The following CCDC91 variants were observed in gnomAD, a reference collection of about 807,000 sequenced individuals.
The protein encoded by CCDC91 is coiled-coil domain containing 91.
CCDC91 carries 48 observed loss-of-function variants against 63.2 expected under a neutral mutation model. The observed-to-expected ratio is 0.76, with a 90% CI of 0.60 to 0.97. The LOEUF (loss-of-function observed/expected upper bound fraction) is 0.97. Ranked by LOEUF, CCDC91 falls within the 50% of genes least tolerant of loss-of-function variation. The pLI is 0.00. For missense variants in CCDC91, 500 were observed against 494.6 expected (o/e 1.01, Z -0.10); for synonymous variants, 167 against 165.8 (o/e 1.01, Z -0.06).
chr12:28,283,753 A>G lies in CCDC91; in HGVS notation c.110-21896A>G, dbSNP rs530592261. ...TATAGCCTGAATGTAATTTTATACA[A>G]TATTTTAAAGATTTTTTAAATATGA... On this transcript the variant is annotated intron_variant, in intron 3 of 12. Coordinates refer to ENST00000536442, the MANE Select transcript of CCDC91 (RefSeq NM_018318.5). Among the ~76,000 whole-genome samples the G allele has an allele frequency of 1.0e-3, 155 of 152,316 alleles. 1 individual carries two copies. Among genetic ancestry groups the G allele is most frequent in the African/African-American group, 3.4e-3 (140 of 41,574 alleles).
At position 28,267,906 on chromosome 12, in the gene CCDC91, ATTATATATAATTAT is replaced by A. The variant is rs1565701156; in HGVS notation, c.109+8466_109+8479del. ...AATTATTATAATTATATATAATTAT[ATTATATATAATTAT>A]TATAATTATATATAATTATATATAA... On this transcript the variant is annotated intron_variant, in intron 3 of 12. Transcript: ENST00000536442. Among the ~76,000 whole-genome samples, 5 of 51,808 alleles carry A rather than the reference ATTATATATAATTAT, an allele frequency of 9.7e-5. No individual in the cohort carries two copies. In the South Asian group the frequency reaches 1.8e-3, roughly 19 times the overall value. The allele number at this position is 51,808 out of a possible 152,430, so 34.0% of individuals were successfully genotyped here.
intron 12 of CCDC91, among the ~76,000 whole-genome samples, chr12:28,521,341 A>T (rs1280882431): frequency 6.6e-6 from 1 of 152,038 alleles, no homozygotes; most frequent in Non-Finnish European, 1.5e-5. Flanking sequence ...GCAATTGTGA[A>T]TGGGAGTTCA....
intron 12 of CCDC91, among the ~76,000 whole-genome samples, chr12:28,523,936 A>G (rs1021620016): frequency 1.3e-5 from 2 of 152,134 alleles, no homozygotes; most frequent in African/African-American, 4.8e-5. Context: ...GTTTTTGCCA[A>G]GGCATCCACT....
At chr12:28,456,995 C>G (rs1950086490) in intron 11 of CCDC91, among the ~76,000 whole-genome samples, 1 of 152,092 alleles carries the variant, frequency 6.6e-6, no homozygotes, top group African/African-American at 2.4e-5. Flanking sequence ...AATATGGCCA[C>G]TTTAGATTAA....
chr12:28,549,047 T>TA lies in CCDC91; in HGVS notation c.1216-9dup. 1.3e-6 allele frequency: 2 copies of TA among 1,547,360 alleles called. No homozygotes were observed. Among genetic ancestry groups the TA allele is most frequent in the Non-Finnish European group, 1.8e-6 (2 of 1,122,476 alleles). ...TTTTTTTTCTCTTTCTCTCTCTCTT[T>TA]AAAAAAATTAAACAGCTCGATCAAG... On this transcript the variant is annotated splice_polypyrimidine_tract_variant and intron_variant, in intron 12 of 12. Transcript: ENST00000536442.
At chr12:28,204,018 C>G (rs1488957833) in intron 1 of CCDC91, among the ~76,000 whole-genome samples, 1 of 152,064 alleles carries the variant, frequency 6.6e-6, no homozygotes, top group Non-Finnish European at 1.5e-5. Flanking sequence ...GTGAAAATGT[C>G]TAGACATGTA....
intron 1 of CCDC91, chr12:28,236,483 A>G (rs564526638): frequency 1.3e-5 from 2 of 151,958 alleles, no homozygotes; most frequent in African/African-American, 4.8e-5. Flanking sequence ...TGTTATTTTT[A>G]TGGTAATATA....
chr12:28,204,757 A>T, intron 1 of CCDC91, among the ~76,000 whole-genome samples: 1 of 152,210 alleles, frequency 6.6e-6, no homozygotes, highest in East Asian at 1.9e-4. Flanking sequence ...GGCTCACCAC[A>T]GAGTTGCTCA....
At chr12:28,496,943 C>CATATATATATAT (rs140551640) in intron 12 of CCDC91, among the ~76,000 whole-genome samples, 1 of 138,104 alleles carries the variant, frequency 7.2e-6, no homozygotes, top group African/African-American at 2.6e-5. Flanking sequence ...TATATATATA[C>CATATATATATAT]ATATATATAT....
At chr12:28,298,268 A>G (rs1215202011) in intron 3 of CCDC91, among the ~76,000 whole-genome samples, 1 of 151,650 alleles carries the variant, frequency 6.6e-6, no homozygotes, top group Non-Finnish European at 1.5e-5. Context: ...TTTACATTCA[A>G]CTTTTCATAT....
At chr12:28,244,184 A>G (rs866190079) in intron 1 of CCDC91, among the ~76,000 whole-genome samples, 2 of 152,226 alleles carry the variant, frequency 1.3e-5, no homozygotes, top group Non-Finnish European at 2.9e-5. Context: ...ATTAAAATAG[A>G]TACAGAAAAT....
chr12:28,528,619 G>A (rs181920915), intron 12 of CCDC91, among the ~76,000 whole-genome samples: 465 of 152,262 alleles, frequency 3.1e-3, no homozygotes, highest in African/African-American at 0.011. Flanking sequence ...GTACGTCCAA[G>A]TGGGGGCTGC....
intron 7 of CCDC91, among the ~76,000 whole-genome samples, chr12:28,385,295 C>T (rs1213536032): frequency 1.3e-5 from 2 of 152,080 alleles, no homozygotes; most frequent in Non-Finnish European, 2.9e-5. Context: ...GTATAATCAA[C>T]ATAAAAGTTT....
At chr12:28,334,705 C>G (rs1427066967) in intron 6 of CCDC91, among the ~76,000 whole-genome samples, 5 of 151,932 alleles carry the variant, frequency 3.3e-5, no homozygotes, top group Admixed American at 6.6e-5. Context: ...TCTGGGTTGC[C>G]TAATAAAGTA....
At position 28,276,819 on chromosome 12, in the gene CCDC91, A is replaced by G. The variant is rs139689334; in HGVS notation, c.109+17377A>G. ...TAAGCTAACAAAAAAATCGAATGTT[A>G]CAGAATCTGTGCTATAATCCCTGTG... On this transcript the variant is annotated intron_variant, in intron 3 of 12. Coordinates refer to ENST00000536442, the MANE Select transcript of CCDC91 (RefSeq NM_018318.5). Among the ~76,000 whole-genome samples the G allele has an allele frequency of 1.6e-4, 24 of 152,148 alleles. 1 individual carries two copies. Among genetic ancestry groups the G allele is most frequent in the African/African-American group, 5.5e-4 (23 of 41,562 alleles).
chr12:28,190,755 C>T (rs1256930333), intron 1 of CCDC91, 114 bp downstream of exon 1: 1 of 152,244 alleles, frequency 6.6e-6, no homozygotes, highest in South Asian at 2.1e-4. Context: ...GCCTGCAGCC[C>T]GCCTGCTGCG....
At chr12:28,334,966 ACT>A (rs1203780595) in intron 6 of CCDC91, among the ~76,000 whole-genome samples, 2 of 149,390 alleles carry the variant, frequency 1.3e-5, no homozygotes, top group Non-Finnish European at 3.0e-5. Context: ...AATATTAGGT[ACT>A]GTTTAGTTCA....
At chr12:28,487,049 A>AT (rs1951764632) in intron 12 of CCDC91, among the ~76,000 whole-genome samples, 1 of 152,000 alleles carries the variant, frequency 6.6e-6, no homozygotes, top group African/African-American at 2.4e-5. Flanking sequence ...TAATTAAAAA[A>AT]TGTGCTCTTT....
At chr12:28,371,226 G>A (rs1159349205) in intron 7 of CCDC91, among the ~76,000 whole-genome samples, 2 of 152,150 alleles carry the variant, frequency 1.3e-5, no homozygotes, top group Non-Finnish European at 1.5e-5. Flanking sequence ...TGCACAGCAG[G>A]AAGTGTTGGT....
Sources: allele counts gnomAD v4.1 joint callset (sites outside exome capture counted in the v4.1 genomes callset), GRCh38; gene constraint gnomAD v4.1.1; transcripts MANE v1.5; gene names NCBI Gene and HGNC (gene_info 2026-07-23, HGNC 2026-07-21).